PPFIBP1: variants seen among roughly 807,000 people sequenced by gnomAD.
PPFIBP1 encodes the protein PPFIB scaffold protein 1.
A neutral mutation model predicts 137.8 loss-of-function variants in PPFIBP1; 112 were observed. That is an observed-to-expected ratio of 0.81 (90% confidence interval 0.70 to 0.95). The LOEUF (loss-of-function observed/expected upper bound fraction) is 0.95, where lower values mean the gene tolerates loss of function less well. Among genes scored for constraint, PPFIBP1 ranks in the 40% least tolerant of loss-of-function variants. The pLI is 0.00. For synonymous variants in PPFIBP1, 378 were observed against 417.3 expected (o/e 0.91, Z 1.15); for missense variants, 1,083 against 1,196.6 (o/e 0.91, Z 1.40).
intron 1 of PPFIBP1, among the ~76,000 whole-genome samples, chr12:27,532,087 C>T (rs543632523): frequency 1.3e-3 from 192 of 152,286 alleles, no homozygotes; most frequent in African/African-American, 4.3e-3. Context: ...TGGCACACGA[C>T]ATGCACTGCT....
rs1195389231 is a variant in PPFIBP1 at position 27,587,718 on chromosome 12, T to C, written c.-36+9479T>C. Among the ~76,000 whole-genome samples, 7 of 152,220 alleles carry C rather than the reference T, an allele frequency of 4.6e-5. No homozygotes were observed. In the East Asian group the frequency reaches 1.3e-3, roughly 29 times the overall value. The stretch of plus-strand genomic sequence containing the variant: ...TATACTACTTATTTACTAGAGCTTT[T>C]CTTTATATTTTCCCCATCTTTGTTT... On this transcript the variant is annotated intron_variant, in intron 2 of 29. Transcript: ENST00000228425.
chr12:27,640,913 C>T (rs1453523878), intron 4 of PPFIBP1, among the ~76,000 whole-genome samples: 2 of 152,096 alleles, frequency 1.3e-5, no homozygotes, highest in Non-Finnish European at 2.9e-5. Context: ...AAAATGCTGT[C>T]ATAGTAATTA....
At chr12:27,590,753 T>G (rs1440018033) in intron 2 of PPFIBP1, among the ~76,000 whole-genome samples, 1 of 152,200 alleles carries the variant, frequency 6.6e-6, no homozygotes, top group East Asian at 1.9e-4. Context: ...GTTTTGTGTA[T>G]TGGCCCCAGT....
rs1039923559 is a variant in PPFIBP1 at position 27,693,911 on chromosome 12, T to G, written c.*1029T>G. On this transcript the variant is annotated 3_prime_UTR_variant, in exon 30 of 30. Coordinates refer to ENST00000228425, the MANE Select transcript of PPFIBP1 (RefSeq NM_003622.4). ...AGGCTGGGACTCGAACTCCTGACCTTGTGATCTGCCCGCCTCAGCCTCCCA... is the reference window on the plus strand; with the variant it reads ...AGGCTGGGACTCGAACTCCTGACCTGGTGATCTGCCCGCCTCAGCCTCCCA... 6.6e-6 allele frequency: 1 copy of G among 152,138 alleles called. No individual in the cohort carries two copies. The highest frequency in any genetic ancestry group is 2.4e-5 in the African/African-American group (1 of 41,406). The allele number at this position is 152,138 out of a possible 1,614,324, so 9.4% of individuals were successfully genotyped here.
At chr12:27,605,076 A>T (rs1209528026) in intron 2 of PPFIBP1, among the ~76,000 whole-genome samples, 4 of 152,194 alleles carry the variant, frequency 2.6e-5, no homozygotes, top group African/African-American at 9.6e-5. Flanking sequence ...GGGAGCTACA[A>T]GATGAGATTT....
At chr12:27,676,701 T>A in intron 18 of PPFIBP1, 102 bp downstream of exon 18, 1 of 1,206,988 alleles carries the variant, frequency 8.3e-7, no homozygotes, top group Middle Eastern at 2.1e-4. Flanking sequence ...CATTTCTCTT[T>A]CTCAGAAACG....
chr12:27,692,406 G>A (rs1265523803), intron 28 of PPFIBP1, among the ~76,000 whole-genome samples, 185 bp from the exon 29 acceptor site: 2 of 152,194 alleles, frequency 1.3e-5, no homozygotes, highest in African/African-American at 2.4e-5. Context: ...TGTCAGTAAA[G>A]TGTCTCTTCT....
intron 17 of PPFIBP1, among the ~76,000 whole-genome samples, chr12:27,675,836 A>G (rs1047096751): frequency 6.6e-6 from 1 of 152,214 alleles, no homozygotes; most frequent in Non-Finnish European, 1.5e-5. Context: ...TGCCCATTCA[A>G]AGAACCAAAA....
chr12:27,590,094 C>G (rs1025669682), intron 2 of PPFIBP1, among the ~76,000 whole-genome samples: 5 of 152,132 alleles, frequency 3.3e-5, no homozygotes, highest in African/African-American at 1.2e-4. Context: ...ATTATATAGA[C>G]AGGATACATT....
intron 1 of PPFIBP1, among the ~76,000 whole-genome samples, chr12:27,575,387 T>C (rs1469878956): frequency 6.6e-6 from 1 of 152,244 alleles, no homozygotes; most frequent in African/African-American, 2.4e-5. Context: ...TTATGTATTA[T>C]GATAAACAGA....
At chr12:27,544,263 C>T (rs1199353271) in intron 1 of PPFIBP1, among the ~76,000 whole-genome samples, 1 of 152,084 alleles carries the variant, frequency 6.6e-6, no homozygotes, top group African/African-American at 2.4e-5. Context: ...AATGGACAAA[C>T]AAACTTGGTA....
At chr12:27,548,242 G>T (rs892651860) in intron 1 of PPFIBP1, 1 of 152,126 alleles carries the variant, frequency 6.6e-6, no homozygotes, top group Non-Finnish European at 1.5e-5. Context: ...CATCCTATGT[G>T]TATATAAATG....
intron 2 of PPFIBP1, among the ~76,000 whole-genome samples, chr12:27,607,338 A>G (rs1039880950): frequency 1.3e-5 from 2 of 152,212 alleles, no homozygotes; most frequent in African/African-American, 4.8e-5. Flanking sequence ...ATGAGCTCCA[A>G]AAGGGAGAAT....
chr12:27,653,344 G>A (rs2058991727), intron 7 of PPFIBP1, among the ~76,000 whole-genome samples: 1 of 152,130 alleles, frequency 6.6e-6, no homozygotes, highest in Non-Finnish European at 1.5e-5. Context: ...CCAACACTTA[G>A]GGAGTCCGAG....
In PPFIBP1 at chr12:27,633,356, T is replaced by C; in HGVS notation, c.-35-6T>C. ...TGGATGTAATGATAACCTTATTTTTTTTCAGATCTGGGTTGGAATTTGCCC... is the reference window on the plus strand; with the variant it reads ...TGGATGTAATGATAACCTTATTTTTCTTCAGATCTGGGTTGGAATTTGCCC... On this transcript the variant is annotated splice_polypyrimidine_tract_variant and splice_region_variant and intron_variant, in intron 2 of 29. Coordinates refer to ENST00000228425, the MANE Select transcript of PPFIBP1 (RefSeq NM_003622.4). 2 of 1,592,768 alleles carry C rather than the reference T, an allele frequency of 1.3e-6. No homozygotes were observed. Among genetic ancestry groups the C allele is most frequent in the Non-Finnish European group, 8.6e-7 (1 of 1,161,650 alleles).
chr12:27,571,474 A>AT (rs956584498), intron 1 of PPFIBP1, among the ~76,000 whole-genome samples: 62 of 150,700 alleles, frequency 4.1e-4, no homozygotes, highest in African/African-American at 1.4e-3. Flanking sequence ...CCACCAATCC[A>AT]TTTTTTTTTC....
At chr12:27,593,687 C>A in intron 2 of PPFIBP1, 1 of 574,826 alleles carries the variant, frequency 1.7e-6, no homozygotes, top group Non-Finnish European at 3.1e-6. Flanking sequence ...CTTTTGGGAA[C>A]TTGTTTATCC....
chr12:27,690,314 T>C (rs1319323079), intron 27 of PPFIBP1, among the ~76,000 whole-genome samples: 1 of 152,188 alleles, frequency 6.6e-6, no homozygotes, highest in African/African-American at 2.4e-5. Flanking sequence ...TAATGCTCTG[T>C]GTATACTGAG....
intron 1 of PPFIBP1, among the ~76,000 whole-genome samples, chr12:27,529,299 T>G (rs1015220334): frequency 8.5e-5 from 13 of 152,094 alleles, no homozygotes; most frequent in African/African-American, 3.1e-4. Flanking sequence ...TTCAGAAGAG[T>G]AGGTATGCTC....
Sources: allele counts gnomAD v4.1 joint callset (sites outside exome capture counted in the v4.1 genomes callset), GRCh38; gene constraint gnomAD v4.1.1; transcripts MANE v1.5; gene names NCBI Gene and HGNC (gene_info 2026-07-23, HGNC 2026-07-21).